Variants in FHIT observed in about 807,000 individuals in gnomAD.
FHIT encodes the protein bis(5'-adenosyl)-triphosphatase.
A neutral mutation model predicts 17.9 loss-of-function variants in FHIT; 19 were observed. The ratio of observed to expected loss-of-function variants is 1.06; its 90% confidence interval spans 0.74 to 1.56. The LOEUF is 1.56. FHIT is among the 40% of genes most tolerant of loss of function. The pLI, the probability that FHIT is intolerant of heterozygous loss-of-function variation, is 0.00. For synonymous variants in FHIT, 81 were observed against 69.7 expected (o/e 1.16, Z -0.81); for missense variants, 248 against 189.2 (o/e 1.31, Z -1.82).
chr3:60,160,678 C>A (rs1700900222), intron 5 of FHIT, among the ~76,000 whole-genome samples: 1 of 152,088 alleles, frequency 6.6e-6, no homozygotes, highest in African/African-American at 2.4e-5. Flanking sequence ...GTGACATTAC[C>A]AGCTGTTGTA....
At chr3:60,521,759 C>A (rs1388794219) in intron 5 of FHIT, among the ~76,000 whole-genome samples, 1 of 152,174 alleles carries the variant, frequency 6.6e-6, no homozygotes, top group Non-Finnish European at 1.5e-5. Flanking sequence ...AAATACATTT[C>A]TCCAATTCCC....
intron 5 of FHIT, among the ~76,000 whole-genome samples, chr3:60,075,451 G>T (rs1433089443): frequency 2.6e-5 from 4 of 152,100 alleles, no homozygotes; most frequent in African/African-American, 9.7e-5. Flanking sequence ...TAATACAATA[G>T]AACTCCATGA....
chr3:61,210,086 C>A (rs571609174), intron 1 of FHIT, among the ~76,000 whole-genome samples: 1 of 152,354 alleles, frequency 6.6e-6, no homozygotes, highest in African/African-American at 2.4e-5. Flanking sequence ...ACTCCAGACT[C>A]TGTGTGCCTG....
chr3:60,569,747 A>ATT (rs1229124163), intron 4 of FHIT, among the ~76,000 whole-genome samples: 1 of 61,214 alleles, frequency 1.6e-5, no homozygotes, highest in African/African-American at 6.1e-5. Flanking sequence ...ATATATATAT[A>ATT]TATATATATT....
chr3:60,840,430 T>C (rs1702683541), intron 3 of FHIT, among the ~76,000 whole-genome samples: 1 of 152,212 alleles, frequency 6.6e-6, no homozygotes, highest in Non-Finnish European at 1.5e-5. Context: ...GAACTTGACA[T>C]GTGAATGAAT....
intron 8 of FHIT, among the ~76,000 whole-genome samples, chr3:59,868,364 A>T (rs1231414213): frequency 6.6e-6 from 1 of 152,144 alleles, no homozygotes; most frequent in Non-Finnish European, 1.5e-5. Flanking sequence ...TCTCCATGTG[A>T]CTGTCAGTGT....
chr3:60,329,538 C>T (rs1189070854), intron 5 of FHIT, among the ~76,000 whole-genome samples: 1 of 152,184 alleles, frequency 6.6e-6, no homozygotes, highest in Non-Finnish European at 1.5e-5. Flanking sequence ...CAAGCAGACC[C>T]CTCTTTCTTT....
At chr3:59,990,508 T>C (rs1175998352) in intron 7 of FHIT, among the ~76,000 whole-genome samples, 1 of 152,094 alleles carries the variant, frequency 6.6e-6, no homozygotes, top group Non-Finnish European at 1.5e-5. Flanking sequence ...GGGAACCCGC[T>C]CTCACCAGAT....
At chr3:59,925,913 A>T (rs1282134761) in intron 7 of FHIT, among the ~76,000 whole-genome samples, 1 of 152,240 alleles carries the variant, frequency 6.6e-6, no homozygotes, top group Non-Finnish European at 1.5e-5. Context: ...CATTCTGATA[A>T]AAACGCTATG....
intron 5 of FHIT, among the ~76,000 whole-genome samples, chr3:60,501,992 G>T (rs895348574): frequency 6.6e-6 from 1 of 152,198 alleles, no homozygotes; most frequent in Non-Finnish European, 1.5e-5. Flanking sequence ...AATGACCCAT[G>T]ACTGAGAGAC....
At chr3:60,445,707 C>A (rs1290840809) in intron 5 of FHIT, among the ~76,000 whole-genome samples, 9 of 151,686 alleles carry the variant, frequency 5.9e-5, no homozygotes, top group African/African-American at 1.9e-4. Flanking sequence ...CCCCTGTAGA[C>A]ACACGATTTT....
At chr3:60,683,103 T>G (rs532495830) in intron 4 of FHIT, among the ~76,000 whole-genome samples, 360 of 152,294 alleles carry the variant, frequency 2.4e-3, no homozygotes, top group Non-Finnish European at 3.1e-3. Context: ...GAGTTGCTTC[T>G]TACGGGTAAG....
At chr3:60,535,903 A>G (rs2035964789) in intron 5 of FHIT, 3 of 152,086 alleles carry the variant, frequency 2.0e-5, no homozygotes, top group Non-Finnish European at 4.4e-5. Flanking sequence ...ACTGGAAAAA[A>G]AATGTAGCTT....
intron 3 of FHIT, among the ~76,000 whole-genome samples, chr3:60,897,831 A>G (rs1447776661): frequency 6.6e-6 from 1 of 152,186 alleles, no homozygotes. Flanking sequence ...TAACCATAGG[A>G]ATCTTTCTCT....
At chr3:60,643,483 T>G (rs1391805706) in intron 4 of FHIT, among the ~76,000 whole-genome samples, 1 of 152,158 alleles carries the variant, frequency 6.6e-6, no homozygotes, top group Non-Finnish European at 1.5e-5. Context: ...TAAGGCATAT[T>G]ACCCGACTTC....
At chr3:60,356,190 G>A (rs907207605) in intron 5 of FHIT, among the ~76,000 whole-genome samples, 1 of 152,158 alleles carries the variant, frequency 6.6e-6, no homozygotes, top group Non-Finnish European at 1.5e-5. Flanking sequence ...CAAGTCTTGG[G>A]ATTTGCTGTA....
At chr3:60,635,488 C>T (rs1354340007) in intron 4 of FHIT, among the ~76,000 whole-genome samples, 1 of 152,178 alleles carries the variant, frequency 6.6e-6, no homozygotes, top group Non-Finnish European at 1.5e-5. Flanking sequence ...ACCCTTTCCC[C>T]ACCTCTACTA....
At chr3:60,112,658 T>C (rs1341962275) in intron 5 of FHIT, among the ~76,000 whole-genome samples, 3 of 152,192 alleles carry the variant, frequency 2.0e-5, no homozygotes, top group Non-Finnish European at 4.4e-5. Flanking sequence ...AAAGAGAATC[T>C]GAGAAATGAT....
At chr3:60,466,089 T>G (rs1387562329) in intron 5 of FHIT, among the ~76,000 whole-genome samples, 1 of 152,050 alleles carries the variant, frequency 6.6e-6, no homozygotes, top group Non-Finnish European at 1.5e-5. Context: ...GATTTCACTG[T>G]GGACATCTTT....
Sources: allele counts gnomAD v4.1 joint callset (sites outside exome capture counted in the v4.1 genomes callset), GRCh38; gene constraint gnomAD v4.1.1; transcripts MANE v1.5; gene names NCBI Gene and HGNC (gene_info 2026-07-23, HGNC 2026-07-21).